The following UGT2B11 variants were observed in gnomAD, a reference collection of about 807,000 sequenced individuals.
The protein encoded by UGT2B11 is UDP glucuronosyltransferase family 2 member B11.
In UGT2B11, 49 loss-of-function variants were observed where a neutral mutation model predicts 51.7. That is an observed-to-expected ratio of 0.95 (90% confidence interval 0.75 to 1.20). The LOEUF (loss-of-function observed/expected upper bound fraction) is 1.20. UGT2B11 is among the 50% of genes most tolerant of loss of function. UGT2B11 has a pLI of 0.00. For synonymous variants in UGT2B11, 273 were observed against 209.0 expected, an observed-to-expected ratio of 1.31 and a Z score of -2.64; for missense variants, 810 against 622.1, an observed-to-expected ratio of 1.30 and a Z score of -3.21.
chr4:69,212,535 C>A, intron 2 of UGT2B11, 38 bp downstream of exon 2: 11 of 1,590,420 alleles, frequency 6.9e-6, no homozygotes, highest in South Asian at 2.3e-5. Flanking sequence ...ACTGAAACTT[C>A]GAAGCCAACA....
At chr4:69,210,295 A>C (rs1722013381) in intron 2 of UGT2B11, among the ~76,000 whole-genome samples, 1 of 151,548 alleles carries the variant, frequency 6.6e-6, no homozygotes, top group African/African-American at 2.4e-5. Context: ...TAATAGGTGC[A>C]CCTTGATTTT....
In UGT2B11 at chr4:69,214,282, G is replaced by T. The variant is rs779617982; in HGVS notation, c.441C>A (p.Ile147=). The T allele has an allele frequency of 2.5e-6, 4 of 1,613,080 alleles. No individual in the cohort carries two copies. The highest frequency in any genetic ancestry group is 2.5e-6 in the Non-Finnish European group (3 of 1,179,474). The change falls in exon 1 of 6, where the codon ATC becomes ATA. Residue 147 remains isoleucine, a synonymous_variant. Transcript: ENST00000446444. ...MKKLQESRFD[I]VFADAVFPCG... is the part of the protein sequence containing the mutation. ...AGGGAAAAACAGCATCTGCAAAAACGATGTCAAATCTTGACTCTTGTAGTT... is the reference window on the plus strand; with the variant it reads ...AGGGAAAAACAGCATCTGCAAAAACTATGTCAAATCTTGACTCTTGTAGTT...
chr4:69,205,903 T>C (rs1421618455), intron 3 of UGT2B11, among the ~76,000 whole-genome samples: 1 of 151,438 alleles, frequency 6.6e-6, no homozygotes, highest in African/African-American at 2.4e-5. Flanking sequence ...TTAGAGAAAT[T>C]CAAATCAAAA....
rs759355725 is a variant in UGT2B11, at chr4:69,214,141, T to A, written c.582A>T (p.Ile194=). The change falls in exon 1 of 6, where the codon ATA becomes ATT. Residue 194 remains isoleucine (I), a synonymous_variant. Coordinates refer to ENST00000446444, the MANE Select transcript of UGT2B11 (RefSeq NM_001073.3). The part of the protein sequence containing the change: ...SGGLIFPPSY[I]PIVMSKLSDQ... The stretch of plus-strand genomic sequence containing the variant: ...CACTTAATTTTGACATAACAATAGG[T>A]ATGTAGGAAGGAGGGAAAATCAGTC... 1.1e-5 allele frequency: 17 copies of A among 1,612,542 alleles called. No homozygotes were observed. Among genetic ancestry groups the A allele is most frequent in the East Asian group, 4.5e-5 (2 of 44,754 alleles).
Position 69,200,394 on chromosome 4 carries a change from A to C in UGT2B11, c.*46T>G. On this transcript the variant is annotated 3_prime_UTR_variant, in exon 6 of 6. Transcript: ENST00000446444. ...TTTCTTTCTTGCTGGAATAAACTGAAGTTGTCCTATCTATCTGGTTTTCCA... is the reference window on the plus strand; with the variant it reads ...TTTCTTTCTTGCTGGAATAAACTGACGTTGTCCTATCTATCTGGTTTTCCA... 1.3e-6 allele frequency: 2 copies of C among 1,526,496 alleles called. No homozygotes were observed. Among genetic ancestry groups the C allele is most frequent in the Non-Finnish European group, 1.8e-6 (2 of 1,133,610 alleles). 94.6% of individuals were successfully genotyped at this position (1,526,496 alleles called of 1,614,324 possible).
intron 3 of UGT2B11, among the ~76,000 whole-genome samples, chr4:69,205,854 A>G (rs1261120274): frequency 6.6e-6 from 1 of 151,766 alleles, no homozygotes; most frequent in Non-Finnish European, 1.5e-5. Context: ...ACCTACCTGC[A>G]GTCAACCATC....
rs181764608 is a variant in UGT2B11, at chr4:69,214,690, C to A, written c.33G>T (p.Leu11=). The change falls in exon 1 of 6, where the codon CTG becomes CTT. Residue 11 remains leucine (L), a synonymous_variant. Coordinates refer to ENST00000446444, the MANE Select transcript of UGT2B11 (RefSeq NM_001073.3). ...AGCTAAAGTAACAACTGAGATGTAT[C>A]AGCAGAAGAACTGAAGTCCATTTCA... MTLKWTSVLL[L]IHLSCYFSSG... 1.2e-6 allele frequency: 2 copies of A among 1,612,758 alleles called. No homozygotes were observed. The highest frequency in any genetic ancestry group is 8.5e-7 in the Non-Finnish European group (1 of 1,179,098).
At chr4:69,212,977 A>G (rs1482679422) in intron 1 of UGT2B11, among the ~76,000 whole-genome samples, 1 of 151,484 alleles carries the variant, frequency 6.6e-6, no homozygotes, top group Non-Finnish European at 1.5e-5. Context: ...ACTCACAATT[A>G]TTAAAATAAG....
chr4:69,214,450 C>T lies in UGT2B11; in HGVS notation c.273G>A (p.Met91Ile), dbSNP rs778338411. 2 of 1,613,084 alleles carry T rather than the reference C, an allele frequency of 1.2e-6. No homozygotes were observed. Among genetic ancestry groups the T allele is most frequent in the East Asian group, 4.5e-5 (2 of 44,816 alleles). ...LTKTEFENII[M>I]QQVKRWSDIR... Reference sequence around the variant, plus strand: ...TGTCTGACCATCTCTTAACCTGTTGCATGATGATATTCTCAAATTCAGTTT... The same window carrying T: ...TGTCTGACCATCTCTTAACCTGTTGTATGATGATATTCTCAAATTCAGTTT... Residue 91 changes from methionine (M) to isoleucine (I), a missense_variant, in exon 1 of 6, where the codon ATG becomes ATA. Transcript: ENST00000446444.
chr4:69,219,231 G>C (rs1722352729), upstream of UGT2B11, among the ~76,000 whole-genome samples: 1 of 151,970 alleles, frequency 6.6e-6, no homozygotes, highest in African/African-American at 2.4e-5. Context: ...GCACATTCCT[G>C]TGTATATATT....
chr4:69,210,179 T>A (rs961487130), intron 2 of UGT2B11, among the ~76,000 whole-genome samples: 2 of 151,636 alleles, frequency 1.3e-5, no homozygotes, highest in Non-Finnish European at 3.0e-5. Flanking sequence ...ATTTCATTGA[T>A]AAAATTATTT....
chr4:69,211,039 T>G (rs1452935273), intron 2 of UGT2B11: 3 of 151,702 alleles, frequency 2.0e-5, no homozygotes, highest in East Asian at 1.9e-4. Flanking sequence ...GCATGCATTG[T>G]TCACTATCTC....
Position 69,214,419 on chromosome 4 carries a change from T to C in UGT2B11, c.304A>G (p.Lys102Glu), listed in dbSNP as rs1370172024. ...GAAAAATATAACCAAAAGCTATCTT[T>C]TCGAATGTCTGACCATCTCTTAACC... ...QQVKRWSDIRKDSFWLYFSQE... is the reference protein window; with the variant it reads ...QQVKRWSDIREDSFWLYFSQE... The change falls in exon 1 of 6, where the codon AAA becomes GAA. Residue 102 changes from lysine to glutamate, a missense_variant. By Grantham distance (56) the Lys-to-Glu change is moderately conservative (BLOSUM62 1). Coordinates refer to ENST00000446444, the MANE Select transcript of UGT2B11 (RefSeq NM_001073.3). 4 of 1,613,130 alleles carry C rather than the reference T, an allele frequency of 2.5e-6. No homozygotes were observed. The South Asian group carries it at 4.4e-5, about 18-fold the overall frequency.
In UGT2B11 at chr4:69,214,411, G is replaced by A. The variant is rs777772060; in HGVS notation, c.312C>T (p.Ser104=). ...GTTCTTGTGAAAAATATAACCAAAA[G>A]CTATCTTTTCGAATGTCTGACCATC... ...VKRWSDIRKD[S]FWLYFSQEQE... The change falls in exon 1 of 6, where the codon AGC becomes AGT. Residue 104 remains serine (S), a synonymous_variant. Coordinates refer to ENST00000446444, the MANE Select transcript of UGT2B11 (RefSeq NM_001073.3). 3.1e-6 allele frequency: 5 copies of A among 1,612,956 alleles called. No homozygotes were observed. The highest frequency in any genetic ancestry group is 3.4e-6 in the Non-Finnish European group (4 of 1,179,462).
At position 69,208,345 on chromosome 4, in the gene UGT2B11, T is replaced by A; in HGVS notation, c.1002+6A>T. Reference sequence around the variant, plus strand: ...TTTTCCACACCAGTAAGGCCCTTTATCTTACCTTTTGTGGGATCTTGGCAA... The same window carrying A: ...TTTTCCACACCAGTAAGGCCCTTTAACTTACCTTTTGTGGGATCTTGGCAA... On this transcript the variant is annotated splice_donor_region_variant and intron_variant, in intron 3 of 5. Coordinates refer to ENST00000446444, the MANE Select transcript of UGT2B11 (RefSeq NM_001073.3). 6.2e-7 allele frequency: 1 copy of A among 1,610,750 alleles called. No homozygotes were observed. The highest frequency in any genetic ancestry group is 8.5e-7 in the Non-Finnish European group (1 of 1,177,856).
chr4:69,223,492 A>T, the UGT2B11 span, among the ~76,000 whole-genome samples: 2 of 152,186 alleles, frequency 1.3e-5, no homozygotes, highest in Admixed American at 6.5e-5. Context: ...CTGACCACTA[A>T]ATGGAGCACA....
chr4:69,205,375 A>G, intron 4 of UGT2B11, 105 bp downstream of exon 4: 1 of 1,435,902 alleles, frequency 7.0e-7, no homozygotes, highest in South Asian at 1.3e-5. Flanking sequence ...AAATACAAAG[A>G]AGTTCTTTTT....
intron 5 of UGT2B11, among the ~76,000 whole-genome samples, chr4:69,201,855 T>C (rs1193151833): frequency 1.3e-5 from 2 of 151,880 alleles, no homozygotes; most frequent in Admixed American, 6.6e-5. Context: ...ACTAAGTGAA[T>C]AGTTCAAAAA....
At chr4:69,202,406 A>T (rs563768060) in intron 5 of UGT2B11, among the ~76,000 whole-genome samples, 92 of 151,808 alleles carry the variant, frequency 6.1e-4, no homozygotes, top group Non-Finnish European at 1.0e-3. Flanking sequence ...TATTTTAGTA[A>T]TAGTATTTTT....
Sources: gnomAD v4.1 joint callset for allele counts (sites outside exome capture counted in the v4.1 genomes callset) on GRCh38, gnomAD v4.1.1 for gene constraint, MANE v1.5 for transcripts, NCBI Gene and HGNC (gene_info 2026-07-23, HGNC 2026-07-21) for gene names.